Variants in TIAM1 observed in about 807,000 individuals in gnomAD.
The protein encoded by TIAM1 is rho guanine nucleotide exchange factor TIAM1.
A neutral mutation model predicts 163.5 loss-of-function variants in TIAM1; 65 were observed. That is an observed-to-expected ratio of 0.40 (90% CI 0.33 to 0.49). TIAM1 has a LOEUF of 0.49. TIAM1 is among the 20% of genes least tolerant of loss of function. TIAM1 has a pLI of 0.77. For missense variants in TIAM1, 1,789 were observed against 2,044.7 expected (o/e 0.87, Z 2.41); for synonymous variants, 833 against 810.1 (o/e 1.03, Z -0.48).
intron 1 of TIAM1, among the ~76,000 whole-genome samples, chr21:31,518,822 T>A (rs1430582672): frequency 6.6e-6 from 1 of 152,194 alleles, no homozygotes; most frequent in Non-Finnish European, 1.5e-5. Flanking sequence ...CTCCAGTGAA[T>A]CCACATGTTG....
chr21:31,437,066 G>GA (rs1204648724), intron 2 of TIAM1, among the ~76,000 whole-genome samples: 1 of 152,084 alleles, frequency 6.6e-6, no homozygotes, highest in Non-Finnish European at 1.5e-5. Flanking sequence ...CTTTGTAAAA[G>GA]AAAAAATTTG....
At chr21:31,300,441 G>T (rs188307420) in intron 2 of TIAM1, among the ~76,000 whole-genome samples, 50 of 152,316 alleles carry the variant, frequency 3.3e-4, no homozygotes, top group African/African-American at 1.2e-3. Flanking sequence ...TGAATTCACA[G>T]AATCTCATTC....
chr21:31,482,773 C>T (rs2046155517), intron 1 of TIAM1, among the ~76,000 whole-genome samples: 1 of 152,090 alleles, frequency 6.6e-6, no homozygotes, highest in African/African-American at 2.4e-5. Context: ...CCAGAAGCAC[C>T]CCTAGTCAAG....
At chr21:31,536,662 A>T (rs898436083) in intron 1 of TIAM1, among the ~76,000 whole-genome samples, 18 of 152,216 alleles carry the variant, frequency 1.2e-4, no homozygotes, top group Non-Finnish European at 1.9e-4. Flanking sequence ...CTGAGTGGGC[A>T]GGGCTGGGGT....
At chr21:31,146,845 C>G in intron 20 of TIAM1, 50 bp downstream of exon 20, 1 of 1,483,666 alleles carries the variant, frequency 6.7e-7, no homozygotes, top group Non-Finnish European at 9.4e-7. Flanking sequence ...CTGTCAGCCA[C>G]ACAACTGACA....
intron 1 of TIAM1, among the ~76,000 whole-genome samples, chr21:31,481,101 T>C (rs897915290): frequency 2.0e-5 from 3 of 152,292 alleles, no homozygotes; most frequent in African/African-American, 4.8e-5. Context: ...TAGTCCATGA[T>C]TGAGGTGCTG....
intron 22 of TIAM1, among the ~76,000 whole-genome samples, 165 bp from the exon 23 acceptor site, chr21:31,136,206 G>A (rs1304913386): frequency 1.3e-5 from 2 of 152,166 alleles, no homozygotes; most frequent in Middle Eastern, 3.2e-3. Context: ...TAAACTGCTG[G>A]ATTTAGCCAT....
rs1236151625 is a variant in TIAM1, at chr21:31,217,716, C to T, written c.1996-17G>A. The T allele has an allele frequency of 1.2e-6, 2 of 1,611,246 alleles. No individual in the cohort carries two copies. The highest frequency in any genetic ancestry group is 1.7e-5 in the Admixed American group (1 of 59,836). On this transcript the variant is annotated splice_polypyrimidine_tract_variant and intron_variant, in intron 8 of 27. Transcript: ENST00000541036. The stretch of plus-strand genomic sequence containing the variant: ...TGCTGCCACCTGAGGATGGCAAGGA[C>T]AAGCAGCCACAAGGGAGATGCATCA...
chr21:31,452,330 T>G, intron 2 of TIAM1: 1 of 209,442 alleles, frequency 4.8e-6, no homozygotes, highest in East Asian at 1.4e-4. Context: ...TCCCAGCTAC[T>G]CGGGAGGCTG....
At chr21:31,426,366 A>G (rs1479740657) in intron 2 of TIAM1, among the ~76,000 whole-genome samples, 2 of 152,208 alleles carry the variant, frequency 1.3e-5, no homozygotes, top group African/African-American at 4.8e-5. Flanking sequence ...ATCTAAGCAC[A>G]CGATGACAAG....
At chr21:31,426,586 AT>A (rs1204161438) in intron 2 of TIAM1, among the ~76,000 whole-genome samples, 2 of 152,222 alleles carry the variant, frequency 1.3e-5, no homozygotes, top group African/African-American at 2.4e-5. Context: ...ATGTGGTCTA[AT>A]AACTGATTCA....
chr21:31,345,054 A>C (rs1192751530), upstream of TIAM1, among the ~76,000 whole-genome samples: 1 of 152,234 alleles, frequency 6.6e-6, no homozygotes, highest in Non-Finnish European at 1.5e-5. Context: ...GTTTCTTTAA[A>C]TAAAACTTTA....
intron 2 of TIAM1, among the ~76,000 whole-genome samples, chr21:31,388,531 A>G (rs1297272011): frequency 1.3e-5 from 2 of 152,196 alleles, no homozygotes; most frequent in Admixed American, 6.5e-5. Context: ...GGTGATGCAC[A>G]CCTATAGTCC....
At chr21:31,423,378 G>A (rs534069869) in intron 2 of TIAM1, among the ~76,000 whole-genome samples, 3 of 152,124 alleles carry the variant, frequency 2.0e-5, no homozygotes, top group South Asian at 4.2e-4. Flanking sequence ...GATTACAGGC[G>A]TGAGCCACCG....
intron 2 of TIAM1, among the ~76,000 whole-genome samples, chr21:31,336,282 T>C (rs1468842270): frequency 3.9e-5 from 6 of 152,170 alleles, no homozygotes; most frequent in Non-Finnish European, 8.8e-5. Flanking sequence ...TCTGTTGAAC[T>C]ACATCTGAAG....
At chr21:31,417,115 T>G in intron 2 of TIAM1, among the ~76,000 whole-genome samples, 1 of 152,278 alleles carries the variant, frequency 6.6e-6, no homozygotes, top group East Asian at 1.9e-4. Context: ...CTCTGCCTCC[T>G]GGGTTCAAGC....
At chr21:31,446,152 G>C (rs923926923) in intron 2 of TIAM1, among the ~76,000 whole-genome samples, 2 of 152,028 alleles carry the variant, frequency 1.3e-5, no homozygotes, top group African/African-American at 4.8e-5. Flanking sequence ...TGTTGGCCAG[G>C]CTGGTCTTGA....
At chr21:31,493,938 AG>A (rs2046558843) in intron 1 of TIAM1, among the ~76,000 whole-genome samples, 1 of 79,022 alleles carries the variant, frequency 1.3e-5, no homozygotes, top group Admixed American at 1.1e-4. Flanking sequence ...AAAAAAAGAC[AG>A]AGTGTCACTC....
At position 31,120,275 on chromosome 21, in the gene TIAM1, C is replaced by G; in HGVS notation, c.*93G>C. 7.6e-7 allele frequency: 1 copy of G among 1,321,936 alleles called. No homozygotes were observed. Among genetic ancestry groups the G allele is most frequent in the South Asian group, 1.5e-5 (1 of 66,360 alleles). The allele number at this position is 1,321,936 out of a possible 1,614,324, so 81.9% of individuals were successfully genotyped here. ...CAAAACCGTGTGTGCAAGAGCGCGACCTAAGGGGACATTCTTGTCGACGGT... is the reference window on the plus strand; with the variant it reads ...CAAAACCGTGTGTGCAAGAGCGCGAGCTAAGGGGACATTCTTGTCGACGGT... On this transcript the variant is annotated 3_prime_UTR_variant, in exon 28 of 28. Coordinates refer to ENST00000541036, the MANE Select transcript of TIAM1 (RefSeq NM_001353694.2). This position sits in a 1 kb window ranked among gnomAD's most constrained non-coding sequence, Gnocchi z 4.2.
Sources: gnomAD v4.1 joint callset for allele counts (sites outside exome capture counted in the v4.1 genomes callset) on GRCh38, gnomAD v4.1.1 for gene constraint, Gnocchi (gnomAD v3.1) non-coding constraint, MANE v1.5 for transcripts, NCBI Gene and HGNC (gene_info 2026-07-23, HGNC 2026-07-21) for gene names.